Variants in SRRM4 observed in about 807,000 individuals in gnomAD.
The protein encoded by SRRM4 is serine/arginine repetitive matrix protein 4.
SRRM4 carries 33 observed loss-of-function variants against 68.9 expected under a neutral mutation model. The ratio of observed to expected loss-of-function variants is 0.48; its 90% confidence interval spans 0.36 to 0.64. The LOEUF (loss-of-function observed/expected upper bound fraction) is 0.64. Among genes scored for constraint, SRRM4 ranks in the 30% least tolerant of loss-of-function variants. The pLI, the probability that SRRM4 is intolerant of heterozygous loss-of-function variation, is 0.00. For synonymous variants in SRRM4, 318 were observed against 318.8 expected, an observed-to-expected ratio of 1.00 and a Z score of 0.03; for missense variants, 817 against 827.1, an observed-to-expected ratio of 0.99 and a Z score of 0.15.
chr12:118,998,635 AAG>A (rs1953364651), intron 1 of SRRM4, among the ~76,000 whole-genome samples: 1 of 152,242 alleles, frequency 6.6e-6, no homozygotes. Context: ...CAAAGGAGAA[AAG>A]AGAATGTCAG....
chr12:119,096,255 A>C (rs957673109), intron 1 of SRRM4, among the ~76,000 whole-genome samples: 3 of 150,460 alleles, frequency 2.0e-5, no homozygotes, highest in African/African-American at 7.3e-5. Context: ...GATGGTCTCA[A>C]TCTTCCTGAC....
At chr12:119,015,051 G>A (rs1304555863) in intron 1 of SRRM4, among the ~76,000 whole-genome samples, 1 of 152,180 alleles carries the variant, frequency 6.6e-6, no homozygotes, top group African/African-American at 2.4e-5. Context: ...CCAATAAGAT[G>A]GAATGCAATG....
intron 1 of SRRM4, among the ~76,000 whole-genome samples, chr12:119,092,479 A>G (rs1954019617): frequency 6.6e-6 from 1 of 152,088 alleles, no homozygotes; most frequent in Admixed American, 6.6e-5. Context: ...GTTCCAGCTC[A>G]GTGATTGGCA....
At chr12:119,069,599 G>A (rs908301137) in intron 1 of SRRM4, 2 of 152,172 alleles carry the variant, frequency 1.3e-5, no homozygotes, top group Non-Finnish European at 2.9e-5. Context: ...AGCCACTAGA[G>A]GATGTGGGTG....
At chr12:119,101,574 C>T (rs1954077752) in intron 1 of SRRM4, among the ~76,000 whole-genome samples, 1 of 151,948 alleles carries the variant, frequency 6.6e-6, no homozygotes, top group South Asian at 2.1e-4. Flanking sequence ...TTTATCTTCA[C>T]AATAGCTCGG....
At chr12:119,057,202 A>T (rs1429613113) in intron 1 of SRRM4, among the ~76,000 whole-genome samples, 1 of 152,134 alleles carries the variant, frequency 6.6e-6, no homozygotes, top group African/African-American at 2.4e-5. Context: ...TTTTATTTTA[A>T]GTTTTGGAAT....
chr12:119,023,950 G>T (rs192684416), intron 1 of SRRM4, among the ~76,000 whole-genome samples: 63 of 152,270 alleles, frequency 4.1e-4, no homozygotes, highest in Middle Eastern at 3.4e-3. Context: ...ACCTTAACAA[G>T]ACTTTCTCTT....
At chr12:118,993,243 C>G (rs1231136242) in intron 1 of SRRM4, among the ~76,000 whole-genome samples, 1 of 152,142 alleles carries the variant, frequency 6.6e-6, no homozygotes, top group African/African-American at 2.4e-5. Flanking sequence ...GCAGGGATCA[C>G]CAGGCAAGGG....
intron 1 of SRRM4, among the ~76,000 whole-genome samples, chr12:119,035,967 T>C (rs1004513172): frequency 6.6e-6 from 1 of 152,306 alleles, no homozygotes; most frequent in Admixed American, 6.5e-5. Flanking sequence ...CGATCTCTGA[T>C]TGGATATTTC....
chr12:119,062,575 T>A (rs1427669868), intron 1 of SRRM4, among the ~76,000 whole-genome samples: 1 of 152,246 alleles, frequency 6.6e-6, no homozygotes, highest in Non-Finnish European at 1.5e-5. Flanking sequence ...AAAAAATTTC[T>A]TTTTACTTTT....
chr12:119,090,320 C>T (rs4348966), intron 1 of SRRM4, among the ~76,000 whole-genome samples: 1 of 151,856 alleles, frequency 6.6e-6, no homozygotes, highest in Admixed American at 6.6e-5. Flanking sequence ...TAGAGGTCTG[C>T]GTGCATGTGA....
intron 1 of SRRM4, among the ~76,000 whole-genome samples, chr12:119,032,932 C>T (rs776488911): frequency 6.6e-6 from 1 of 151,916 alleles, no homozygotes; most frequent in East Asian, 1.9e-4. Context: ...TATAATAGTC[C>T]CATAATATTT....
chr12:119,116,591 T>C (rs554006375), intron 3 of SRRM4, among the ~76,000 whole-genome samples: 40 of 152,272 alleles, frequency 2.6e-4, no homozygotes, highest in African/African-American at 9.6e-4. Context: ...TTTAGGCCGG[T>C]CACTTCACCT....
chr12:119,125,471 T>G lies in SRRM4; in HGVS notation c.606T>G (p.Cys202Trp). ...SQSSESRPSS[C>W]ESRHRGRSPE... ...GCTCGGAGTCCCGCCCCTCAAGCTG[T>G]GAGAGCAGGTAACCCCTTGCCCCAG... The change falls in exon 7 of 13, where the codon TGT becomes TGG. Residue 202 changes from cysteine (C) to tryptophan (W), a missense_variant. Physicochemically the swap from Cys to Trp is radical, Grantham distance 215. Coordinates refer to ENST00000267260, the MANE Select transcript of SRRM4 (RefSeq NM_194286.4). 1 of 1,591,724 alleles carries G rather than the reference T, an allele frequency of 6.3e-7. No individual in the cohort carries two copies. Among genetic ancestry groups the G allele is most frequent in the Non-Finnish European group, 8.6e-7 (1 of 1,169,158 alleles).
At chr12:119,137,574 C>T (rs983542915) in intron 8 of SRRM4, among the ~76,000 whole-genome samples, 2 of 122,998 alleles carry the variant, frequency 1.6e-5, no homozygotes, top group African/African-American at 6.9e-5. Flanking sequence ...GGAGATGAGG[C>T]GAGGTTTGGA....
At chr12:119,109,702 T>A (rs2136045569) in intron 2 of SRRM4, among the ~76,000 whole-genome samples, 1 of 152,308 alleles carries the variant, frequency 6.6e-6, no homozygotes, top group South Asian at 2.1e-4. Context: ...CACTGTTTAT[T>A]CTAGTTAGCC....
chr12:119,050,880 A>G (rs1953738287), intron 1 of SRRM4, among the ~76,000 whole-genome samples: 1 of 152,106 alleles, frequency 6.6e-6, no homozygotes, highest in South Asian at 2.1e-4. Context: ...TATTATTAAA[A>G]TTAAAAATTA....
chr12:119,153,672 T>C (rs1954454007), intron 11 of SRRM4, 23 bp downstream of exon 11: 1 of 1,518,266 alleles, frequency 6.6e-7, no homozygotes, highest in Non-Finnish European at 8.9e-7. Flanking sequence ...CCCCTCAAAC[T>C]AGGCCCGTCC....
chr12:119,105,859 C>T (rs1246509081), intron 2 of SRRM4, among the ~76,000 whole-genome samples: 1 of 152,128 alleles, frequency 6.6e-6, no homozygotes, highest in Non-Finnish European at 1.5e-5. Flanking sequence ...GCTTTTGTTG[C>T]CATTGCTTTT....
Sources: allele counts gnomAD v4.1 joint callset (sites outside exome capture counted in the v4.1 genomes callset), GRCh38; gene constraint gnomAD v4.1.1; transcripts MANE v1.5; gene names NCBI Gene and HGNC (gene_info 2026-07-23, HGNC 2026-07-21).